The following SHANK2 variants were observed in gnomAD, a reference collection of about 807,000 sequenced individuals.
SHANK2 encodes the protein SH3 and multiple ankyrin repeat domains protein 2.
Under a neutral mutation model 133.7 loss-of-function variants are expected in SHANK2, and 43 were observed. The observed-to-expected ratio is 0.32, with a 90% CI of 0.25 to 0.41. The LOEUF (loss-of-function observed/expected upper bound fraction) is 0.41. Among genes scored for constraint, SHANK2 ranks in the 10% least tolerant of loss-of-function variants. The pLI, the probability that SHANK2 is intolerant of heterozygous loss-of-function variation, is 1.00. For synonymous variants in SHANK2, 1,017 were observed against 952.8 expected, an observed-to-expected ratio of 1.07 and a Z score of -1.24; for missense variants, 1,994 against 2,235.8, an observed-to-expected ratio of 0.89 and a Z score of 2.18.
chr11:70,873,595 T>TG (rs1325798777), intron 11 of SHANK2, among the ~76,000 whole-genome samples: 1 of 152,196 alleles, frequency 6.6e-6, no homozygotes, highest in African/African-American at 2.4e-5. Flanking sequence ...CAGTCCCATC[T>TG]GGGGCAGTTC....
At chr11:70,900,094 A>G (rs1950002603) in intron 10 of SHANK2, among the ~76,000 whole-genome samples, 1 of 152,152 alleles carries the variant, frequency 6.6e-6, no homozygotes, top group Non-Finnish European at 1.5e-5. Context: ...TGCGGCTCAC[A>G]CCTGTAATAC....
At chr11:71,087,788 C>T (rs1951437970) in intron 8 of SHANK2, among the ~76,000 whole-genome samples, 1 of 152,150 alleles carries the variant, frequency 6.6e-6, no homozygotes, top group Admixed American at 6.5e-5. Flanking sequence ...TACCTCCACA[C>T]TTGGCTAATT....
In SHANK2 at chr11:70,485,933, T is replaced by C; in HGVS notation, c.4360A>G (p.Ser1454Gly). ...CTGTCTGCAGAGTTGGTTGGTTGGC[T>C]GGAGTTCAACGAAGGGGACTGAGGG... is the stretch of plus-strand genomic sequence containing the variant. Reference protein sequence around the residue: ...DTPQSPSLNSSQPTNSADSKK... With the variant: ...DTPQSPSLNSGQPTNSADSKK... The change falls in exon 25 of 26, where the codon AGC (serine) becomes GGC (glycine). Residue 1454 changes from serine (S) to glycine (G), a missense_variant. Transcript: ENST00000601538. The surrounding 1 kb of genome is among the most constrained non-coding windows in gnomAD (Gnocchi z 5.8). 2 of 1,614,122 alleles carry C rather than the reference T, an allele frequency of 1.2e-6. No homozygotes were observed. The highest frequency in any genetic ancestry group is 1.7e-6 in the Non-Finnish European group (2 of 1,180,004).
At chr11:70,936,227 C>A (rs899344803) in intron 10 of SHANK2, among the ~76,000 whole-genome samples, 1 of 152,126 alleles carries the variant, frequency 6.6e-6, no homozygotes, top group African/African-American at 2.4e-5. Context: ...AAGCAACAGG[C>A]GAGGCCAGGC....
intron 11 of SHANK2, among the ~76,000 whole-genome samples, chr11:70,894,851 G>C (rs183757393): frequency 6.6e-6 from 1 of 152,286 alleles, no homozygotes; most frequent in African/African-American, 2.4e-5. Context: ...CTGGTCAAGA[G>C]AGTCCCACTC....
intron 9 of SHANK2, among the ~76,000 whole-genome samples, chr11:71,071,714 C>T (rs935178220): frequency 4.6e-5 from 7 of 152,180 alleles, no homozygotes; most frequent in African/African-American, 1.7e-4. Context: ...CAAAGTGGGA[C>T]TCCAGCAGAG....
intron 3 of SHANK2, 35 bp downstream of exon 3, chr11:71,147,085 C>T (rs1555106827): frequency 1.3e-6 from 2 of 1,515,034 alleles, no homozygotes; most frequent in South Asian, 1.2e-5. Flanking sequence ...TGACATTGTC[C>T]AGATGTGAAC....
chr11:70,687,741 C>T (rs1945187565), intron 15 of SHANK2, among the ~76,000 whole-genome samples: 1 of 152,224 alleles, frequency 6.6e-6, no homozygotes, highest in Non-Finnish European at 1.5e-5. Context: ...TCCTGCGCAG[C>T]TACAGAGCTC....
intron 17 of SHANK2, among the ~76,000 whole-genome samples, chr11:70,628,612 C>T (rs572406885): frequency 2.0e-5 from 3 of 152,280 alleles, no homozygotes; most frequent in East Asian, 3.9e-4. Context: ...GAGCTGGCCT[C>T]GACGCCAGCC....
intron 2 of SHANK2, among the ~76,000 whole-genome samples, chr11:71,164,682 C>A (rs1555110483): frequency 2.6e-5 from 4 of 152,224 alleles, no homozygotes; most frequent in Non-Finnish European, 4.4e-5. Flanking sequence ...GTGCCTGTTA[C>A]TAAACATATT....
chr11:71,231,226 TA>T (rs113477163), intron 1 of SHANK2, among the ~76,000 whole-genome samples: 3,518 of 152,170 alleles, frequency 0.023, 151 homozygotes, highest in African/African-American at 0.081. Flanking sequence ...GCTCAACAGT[TA>T]AAAAAATGAC....
chr11:71,090,619 C>T (rs1951495806), intron 8 of SHANK2, among the ~76,000 whole-genome samples: 1 of 117,046 alleles, frequency 8.5e-6, no homozygotes, highest in Non-Finnish European at 1.7e-5. Flanking sequence ...CAGAGAAACA[C>T]AACCTCTGTG....
chr11:71,137,099 GTGA>G (rs1952453744), intron 3 of SHANK2, among the ~76,000 whole-genome samples: 2 of 152,160 alleles, frequency 1.3e-5, no homozygotes, highest in South Asian at 4.1e-4. Flanking sequence ...CTGACCTCAG[GTGA>G]TCCACCCACC....
intron 10 of SHANK2, among the ~76,000 whole-genome samples, chr11:70,949,359 C>G (rs554410686): frequency 1.3e-5 from 2 of 152,168 alleles, no homozygotes; most frequent in Non-Finnish European, 2.9e-5. Flanking sequence ...AGCAGCTCCC[C>G]GGGGGCGCAT....
At chr11:70,625,049 G>T (rs2060885996) in intron 17 of SHANK2, among the ~76,000 whole-genome samples, 1 of 152,312 alleles carries the variant, frequency 6.6e-6, no homozygotes, top group South Asian at 2.1e-4. Flanking sequence ...TGATTTGTGG[G>T]AAAGACTCGT....
In SHANK2 at chr11:70,472,064, G is replaced by A. The variant is rs2058603182; in HGVS notation, c.*805C>T. 1 of 152,670 alleles carries A rather than the reference G, an allele frequency of 6.6e-6. No homozygotes were observed. The highest frequency in any genetic ancestry group is 6.5e-5 in the Admixed American group (1 of 15,276). 9.5% of individuals were successfully genotyped at this position (152,670 alleles called of 1,614,324 possible). A position where few individuals can be genotyped will look rare whatever the true frequency, so the allele number is the denominator to read the frequency against. On this transcript the variant is annotated 3_prime_UTR_variant, in exon 26 of 26. Transcript: ENST00000601538. This position sits in a 1 kb window ranked among gnomAD's most constrained non-coding sequence, Gnocchi z 4.4. ...CAGTTGCACGCTGGCTGGCTCCCTT[G>A]GCCAGGTCTCCCCTCCATTGTGGAA... is the stretch of plus-strand genomic sequence containing the variant.
intron 8 of SHANK2, among the ~76,000 whole-genome samples, chr11:71,086,973 C>A (rs1951428556): frequency 6.6e-6 from 1 of 152,184 alleles, no homozygotes; most frequent in Non-Finnish European, 1.5e-5. Flanking sequence ...CAGCAGACCA[C>A]CAGAGGGCAG....
At chr11:70,620,253 G>A (rs1243480073) in intron 17 of SHANK2, among the ~76,000 whole-genome samples, 1 of 152,176 alleles carries the variant, frequency 6.6e-6, no homozygotes, top group African/African-American at 2.4e-5. Context: ...GATGGGGAGA[G>A]GCCTCTGCAT....
chr11:70,633,069 C>T (rs1178288340), intron 17 of SHANK2, among the ~76,000 whole-genome samples: 3 of 151,888 alleles, frequency 2.0e-5, no homozygotes, highest in East Asian at 3.9e-4. Flanking sequence ...AGATGGGCAA[C>T]CTGGGCACCA....
Sources: gnomAD v4.1 joint callset for allele counts (sites outside exome capture counted in the v4.1 genomes callset) on GRCh38, gnomAD v4.1.1 for gene constraint, Gnocchi (gnomAD v3.1) non-coding constraint, MANE v1.5 for transcripts, NCBI Gene and HGNC (gene_info 2026-07-23, HGNC 2026-07-21) for gene names.